The following ESCO2 variants were observed in gnomAD, a reference collection of about 807,000 sequenced individuals.
The protein encoded by ESCO2 is N-acetyltransferase ESCO2.
In ESCO2, 51 loss-of-function variants were observed where a neutral mutation model predicts 61.7. The ratio of observed to expected loss-of-function variants is 0.83; its 90% CI spans 0.66 to 1.04. The LOEUF (loss-of-function observed/expected upper bound fraction) is 1.04. ESCO2 is among the 50% of genes least tolerant of loss of function. ESCO2 has a pLI of 0.00. For synonymous variants in ESCO2, 230 were observed against 238.2 expected (o/e 0.97, Z 0.32); for missense variants, 692 against 686.2 (o/e 1.01, Z -0.09).
At chr8:27,783,866 C>A in intron 4 of ESCO2, 134 bp from the exon 5 acceptor site, 1 of 839,630 alleles carries the variant, frequency 1.2e-6, no homozygotes, top group Non-Finnish European at 2.0e-6. Context: ...GTTTTTCCTC[C>A]ATGGAATTAC....
chr8:27,806,049 C>T (rs1355958230), downstream of ESCO2, among the ~76,000 whole-genome samples: 1 of 152,136 alleles, frequency 6.6e-6, no homozygotes, highest in Non-Finnish European at 1.5e-5. Flanking sequence ...CTTGTACATC[C>T]CCCCTTATCT....
chr8:27,794,893 C>A (rs1006171932), intron 9 of ESCO2, among the ~76,000 whole-genome samples: 1 of 152,098 alleles, frequency 6.6e-6, no homozygotes, highest in Non-Finnish European at 1.5e-5. Context: ...ACTCTAAATG[C>A]CTGGATTTAT....
chr8:27,792,701 T>C lies in ESCO2; in HGVS notation c.1387T>C (p.Leu463=). ...EDVQELVDNE[L]GFQQVVPKCP... ...TGTCCAAGAACTTGTTGATAATGAA[T>C]TGGGCTTCCAGCAAGTTGTTCCTAA... The change falls in exon 9 of 11, where the codon TTG becomes CTG. Residue 463 remains leucine (L), a synonymous_variant. Transcript: ENST00000305188. 9 of 1,612,794 alleles carry C rather than the reference T, an allele frequency of 5.6e-6. No homozygotes were observed. The highest frequency in any genetic ancestry group is 1.7e-5 in the Admixed American group (1 of 59,904).
chr8:27,797,424 G>C (rs920681375), intron 9 of ESCO2, among the ~76,000 whole-genome samples: 1 of 152,056 alleles, frequency 6.6e-6, no homozygotes, highest in Non-Finnish European at 1.5e-5. Context: ...CATTTGCATG[G>C]AGTCGTTTTT....
chr8:27,793,308 A>G (rs1381315724), intron 9 of ESCO2, among the ~76,000 whole-genome samples: 1 of 152,050 alleles, frequency 6.6e-6, no homozygotes, highest in African/African-American at 2.4e-5. Context: ...CAGCTTTATT[A>G]AGGTATAACT....
At chr8:27,779,366 A>C (rs538165832) in intron 3 of ESCO2, 3 of 152,282 alleles carry the variant, frequency 2.0e-5, no homozygotes, top group African/African-American at 7.2e-5. Flanking sequence ...TCCCCAAGCT[A>C]TATATTCCCT....
At chr8:27,792,589 C>A in intron 8 of ESCO2, 79 bp from the exon 9 acceptor site, 1 of 1,391,470 alleles carries the variant, frequency 7.2e-7, no homozygotes, top group Non-Finnish European at 9.9e-7. Flanking sequence ...AGTAATCATA[C>A]ATTCTGTGTA....
chr8:27,787,977 A>C lies in ESCO2; in HGVS notation c.1106A>C (p.Lys369Thr). 2 of 1,612,916 alleles carry C rather than the reference A, an allele frequency of 1.2e-6. No homozygotes were observed. Among genetic ancestry groups the C allele is most frequent in the East Asian group, 2.2e-5 (1 of 44,818 alleles). Residue 369 changes from lysine (K) to threonine (T), a missense_variant, in exon 6 of 11, where the codon AAA becomes ACA. Physicochemically the swap from Lys to Thr is moderately conservative, Grantham distance 78. Transcript: ENST00000305188. Reference sequence around the variant, plus strand: ...AATACTAATACCAGAGATACAAGTAAAAAAACAAAAGACCAGCTCATCATC... The same window carrying C: ...AATACTAATACCAGAGATACAAGTACAAAAACAAAAGACCAGCTCATCATC... ...QKNTNTRDTS[K>T]KTKDQLIIDA... is the part of the protein sequence containing the mutation.
At chr8:27,799,477 T>G (rs1805375229) in intron 9 of ESCO2, 64 bp from the exon 10 acceptor site, 1 of 1,547,122 alleles carries the variant, frequency 6.5e-7, no homozygotes, top group Admixed American at 1.7e-5. Flanking sequence ...TAAGGAATTT[T>G]TTTTTAAAGC....
At chr8:27,776,257 T>C (rs1329183370) in intron 2 of ESCO2, 105 bp from the exon 3 acceptor site, 1 of 855,184 alleles carries the variant, frequency 1.2e-6, no homozygotes, top group African/African-American at 1.7e-5. Flanking sequence ...GGGGGGTACA[T>C]GTATTGTTTT....
At chr8:27,802,031 T>C (rs1418000519) in intron 10 of ESCO2, among the ~76,000 whole-genome samples, 1 of 149,202 alleles carries the variant, frequency 6.7e-6, no homozygotes, top group Non-Finnish European at 1.5e-5. Context: ...TCACGTCTCT[T>C]TAATCTTCAT....
In ESCO2 at chr8:27,789,640, G is replaced by T. The variant is rs181590180; in HGVS notation, c.1263+662G>T. Among the ~76,000 whole-genome samples the T allele has an allele frequency of 6.1e-3, 930 of 152,162 alleles. 9 individuals carry two copies. Among genetic ancestry groups the T allele is most frequent in the Non-Finnish European group, 9.5e-3 (647 of 68,008 alleles). On this transcript the variant is annotated intron_variant, in intron 7 of 10. Coordinates refer to ENST00000305188, the MANE Select transcript of ESCO2 (RefSeq NM_001017420.3). ...ACTAAAAATACAAAAAATTAGCCAG[G>T]CGTGGTGGCGGGTGCCTGTAATCCC... is the stretch of plus-strand genomic sequence containing the variant.
chr8:27,798,370 G>A (rs1805349473), intron 9 of ESCO2, among the ~76,000 whole-genome samples: 1 of 151,998 alleles, frequency 6.6e-6, no homozygotes, highest in Non-Finnish European at 1.5e-5. Flanking sequence ...TGAGGCAGGA[G>A]AATCACTTGA....
At position 27,803,595 on chromosome 8, in the gene ESCO2, C is replaced by T; in HGVS notation, c.*157C>T. On this transcript the variant is annotated 3_prime_UTR_variant, in exon 11 of 11. Coordinates refer to ENST00000305188, the MANE Select transcript of ESCO2 (RefSeq NM_001017420.3). ...ACACACACATATCACAGTTTTGTTCCTTATGAGTTGAAAAGTCAGGAATAA... is the reference window on the plus strand; with the variant it reads ...ACACACACATATCACAGTTTTGTTCTTTATGAGTTGAAAAGTCAGGAATAA... 7.2e-7 allele frequency: 1 copy of T among 1,388,166 alleles called. No individual in the cohort carries two copies. The highest frequency in any genetic ancestry group is 1.8e-5 in the South Asian group (1 of 56,004). 86.0% of individuals were successfully genotyped at this position (1,388,166 alleles called of 1,614,324 possible). A position where few individuals can be genotyped will look rare whatever the true frequency, so the allele number is the denominator to read the frequency against.
At chr8:27,818,724 A>T in the ESCO2 span, among the ~76,000 whole-genome samples, 1 of 151,766 alleles carries the variant, frequency 6.6e-6, no homozygotes, top group East Asian at 1.9e-4. Flanking sequence ...TCTCCAACCC[A>T]CTGTGATATA....
chr8:27,806,404 G>A (rs10113580), downstream of ESCO2, among the ~76,000 whole-genome samples: 23,481 of 152,020 alleles, frequency 0.15, 2,285 homozygotes, highest in East Asian at 0.37. Flanking sequence ...GTTAATTATA[G>A]TATCAATGTT....
downstream of ESCO2, among the ~76,000 whole-genome samples, chr8:27,808,524 A>T (rs570324696): frequency 7.9e-5 from 12 of 151,968 alleles, no homozygotes; most frequent in African/African-American, 2.4e-4. Flanking sequence ...AAATAAAAAA[A>T]AAAAAATTAG....
rs766010470 is a variant in ESCO2, at chr8:27,776,321, C to T, written c.54-41C>T. ...AGCAGTAGATTTATGTAAATTTTGACGCAAAATAATCTTATCAATGGACTT... is the reference window on the plus strand; with the variant it reads ...AGCAGTAGATTTATGTAAATTTTGATGCAAAATAATCTTATCAATGGACTT... On this transcript the variant is annotated intron_variant, in intron 2 of 10. Transcript: ENST00000305188. 1.6e-5 allele frequency: 24 copies of T among 1,530,694 alleles called. No homozygotes were observed. The South Asian group carries it at 2.1e-4, about 14-fold the overall frequency. The allele number at this position is 1,530,694 out of a possible 1,614,324, so 94.8% of individuals were successfully genotyped here. A position where few individuals can be genotyped will look rare whatever the true frequency, so the allele number is the denominator to read the frequency against.
At chr8:27,810,832 T>G, downstream of ESCO2, 4 of 676,930 alleles carry the variant, frequency 5.9e-6, no homozygotes, top group Non-Finnish European at 7.4e-6. Context: ...CTCATTTGTG[T>G]GAGATTAAAC....
Sources: gnomAD v4.1 joint callset for allele counts (sites outside exome capture counted in the v4.1 genomes callset) on GRCh38, gnomAD v4.1.1 for gene constraint, MANE v1.5 for transcripts, NCBI Gene and HGNC (gene_info 2026-07-23, HGNC 2026-07-21) for gene names.